PTPRN2: variants seen among roughly 807,000 people sequenced by gnomAD.
PTPRN2 encodes the protein receptor-type tyrosine-protein phosphatase N2.
A neutral mutation model predicts 118.8 loss-of-function variants in PTPRN2; 74 were observed. That is an observed-to-expected ratio of 0.62 (90% CI 0.52 to 0.76). The LOEUF (loss-of-function observed/expected upper bound fraction) is 0.76. Among genes scored for constraint, PTPRN2 ranks in the 30% least tolerant of loss-of-function variants. The probability of loss-of-function intolerance (pLI) is 0.00; values close to 1 mark genes in which losing one functional copy is unlikely to be tolerated. For synonymous variants in PTPRN2, 641 were observed against 608.0 expected (o/e 1.05, Z -0.80); for missense variants, 1,481 against 1,394.4 (o/e 1.06, Z -0.99).
At chr7:158,299,892 C>T (rs1243173991) in intron 3 of PTPRN2, among the ~76,000 whole-genome samples, 2 of 152,104 alleles carry the variant, frequency 1.3e-5, no homozygotes, top group African/African-American at 4.8e-5. Context: ...GGGAGGAGAA[C>T]GTCCCTGAAA....
At chr7:158,052,763 G>T (rs1454381708) in intron 11 of PTPRN2, among the ~76,000 whole-genome samples, 1 of 152,146 alleles carries the variant, frequency 6.6e-6, no homozygotes, top group South Asian at 2.1e-4. Flanking sequence ...CCACTGCTTT[G>T]CCTCGAGGGG....
At chr7:157,918,945 C>T (rs1344112477) in intron 11 of PTPRN2, among the ~76,000 whole-genome samples, 1 of 152,200 alleles carries the variant, frequency 6.6e-6, no homozygotes, top group African/African-American at 2.4e-5. Context: ...CAACAGCCAC[C>T]TGAGGTGCGG....
rs1040485691 is a variant in PTPRN2 at position 158,521,540 on chromosome 7, G to A, written c.113-31755C>T. 2.4e-4 allele frequency among the ~76,000 whole-genome samples: 36 copies of A among 151,358 alleles called. 6 individuals carry two copies. The highest frequency in any genetic ancestry group is 1.1e-3 in the Admixed American group (16 of 15,180). On this transcript the variant is annotated intron_variant, in intron 1 of 22. Coordinates refer to ENST00000389418, the MANE Select transcript of PTPRN2 (RefSeq NM_002847.5). ...GGGTGCTGGCTCAGGAGGAAGGTCCGCATCGGAATGGTGGACTGTCCAGGT... is the reference window on the plus strand; with the variant it reads ...GGGTGCTGGCTCAGGAGGAAGGTCCACATCGGAATGGTGGACTGTCCAGGT...
At chr7:158,085,860 G>A (rs1229590750) in intron 10 of PTPRN2, among the ~76,000 whole-genome samples, 1 of 112,326 alleles carries the variant, frequency 8.9e-6, no homozygotes, top group Non-Finnish European at 1.8e-5. Context: ...CCACACCCAC[G>A]ACGCCCATCC....
chr7:158,300,949 C>A (rs1236140267), intron 3 of PTPRN2, among the ~76,000 whole-genome samples: 1 of 152,166 alleles, frequency 6.6e-6, no homozygotes, highest in Non-Finnish European at 1.5e-5. Flanking sequence ...TGAGCTGTGA[C>A]AGATGAACTA....
At chr7:157,555,875 T>C (rs1427885777) in intron 21 of PTPRN2, among the ~76,000 whole-genome samples, 1 of 152,190 alleles carries the variant, frequency 6.6e-6, no homozygotes, top group Admixed American at 6.5e-5. Context: ...AGGAACGAAG[T>C]GGAACAGTTC....
intron 3 of PTPRN2, among the ~76,000 whole-genome samples, chr7:158,215,751 C>T (rs1827908287): frequency 6.6e-6 from 1 of 152,074 alleles, no homozygotes; most frequent in Admixed American, 6.6e-5. Flanking sequence ...ACCCAGAATC[C>T]CACAAGTCTA....
At chr7:158,084,404 G>A (rs766495724) in intron 10 of PTPRN2, among the ~76,000 whole-genome samples, 5 of 152,276 alleles carry the variant, frequency 3.3e-5, no homozygotes, top group Non-Finnish European at 4.4e-5. Flanking sequence ...TCTAACCAGG[G>A]AGCCTTGGTT....
At chr7:158,518,800 C>T (rs964528378) in intron 1 of PTPRN2, among the ~76,000 whole-genome samples, 6 of 152,088 alleles carry the variant, frequency 3.9e-5, no homozygotes, top group African/African-American at 1.2e-4. Context: ...GCCTGGGCAA[C>T]ATGGCGAAAC....
At chr7:158,424,511 GA>G (rs1331163463) in intron 2 of PTPRN2, among the ~76,000 whole-genome samples, 2 of 152,186 alleles carry the variant, frequency 1.3e-5, no homozygotes, top group Non-Finnish European at 2.9e-5. Context: ...TGACTCTCCC[GA>G]TTCCTCTATT....
chr7:157,766,118 A>G (rs1353566979), intron 12 of PTPRN2, among the ~76,000 whole-genome samples: 2 of 145,266 alleles, frequency 1.4e-5, no homozygotes, highest in Admixed American at 6.9e-5. Flanking sequence ...TCATCCATCC[A>G]TCATCCATCT....
At chr7:158,051,349 C>G (rs78733852) in intron 11 of PTPRN2, among the ~76,000 whole-genome samples, 1 of 152,326 alleles carries the variant, frequency 6.6e-6, no homozygotes, top group African/African-American at 2.4e-5. Flanking sequence ...CATTAAAGGA[C>G]AGGAAGCACA....
At chr7:157,910,705 C>CGTGT (rs34091528) in intron 11 of PTPRN2, among the ~76,000 whole-genome samples, 2,240 of 151,258 alleles carry the variant, frequency 0.015, 43 homozygotes, top group African/African-American at 0.039. Flanking sequence ...CGGCAGGGCA[C>CGTGT]GTGTGTGTGT....
intron 11 of PTPRN2, among the ~76,000 whole-genome samples, chr7:158,067,887 A>G (rs912136978): frequency 1.4e-4 from 22 of 152,136 alleles, no homozygotes; most frequent in Non-Finnish European, 5.9e-5. Context: ...TGGGCAGCAC[A>G]CCAGGGCAGG....
rs774294207 is a variant in PTPRN2, at chr7:157,656,509, G to A, written c.2044C>T (p.Pro682Ser). Reference sequence around the variant, plus strand: ...ATGCGTGACGTGTGCGGGCCCTCAGGTCGGTCTGGTGGCCGCGTGGCCATA... The same window carrying A: ...ATGCGTGACGTGTGCGGGCCCTCAGATCGGTCTGGTGGCCGCGTGGCCATA... ...QRMATRPPDR[P>S]EGPHTSRISS... Residue 682 changes from proline to serine, a missense_variant, in exon 14 of 23, where the codon CCT becomes TCT. Transcript: ENST00000389418. The A allele has an allele frequency of 7.7e-6, 12 of 1,552,038 alleles. No individual in the cohort carries two copies. In the South Asian group the frequency reaches 1.4e-4, roughly 18 times the overall value.
chr7:157,587,796 T>C lies in PTPRN2; in HGVS notation c.2496+7442A>G, dbSNP rs1800760888. On this transcript the variant is annotated intron_variant, in intron 17 of 22. Transcript: ENST00000389418. The surrounding 1 kb of genome is among the most constrained non-coding windows in gnomAD (Gnocchi z 5.3). ...GAGGCAAGGCTGAACTTTGGAGTTG[T>C]CCTCTTGGCTGAGCCTCCCATACAG... 6.6e-6 allele frequency among the ~76,000 whole-genome samples: 1 copy of C among 152,332 alleles called. No individual in the cohort carries two copies. The highest frequency in any genetic ancestry group is 2.1e-4 in the South Asian group (1 of 4,828).
At chr7:158,220,471 T>G (rs1828276160) in intron 3 of PTPRN2, among the ~76,000 whole-genome samples, 1 of 152,092 alleles carries the variant, frequency 6.6e-6, no homozygotes, top group African/African-American at 2.4e-5. Context: ...CAGTAAAGTT[T>G]CAGGAAAAAA....
At chr7:157,638,466 A>AG (rs1411768295) in intron 14 of PTPRN2, among the ~76,000 whole-genome samples, 2 of 152,258 alleles carry the variant, frequency 1.3e-5, no homozygotes, top group African/African-American at 2.4e-5. Context: ...GAGAACATTC[A>AG]GGCTTCCATA....
At chr7:158,553,810 C>T (rs187763462) in intron 1 of PTPRN2, among the ~76,000 whole-genome samples, 1 of 151,376 alleles carries the variant, frequency 6.6e-6, no homozygotes, top group Non-Finnish European at 1.5e-5. Context: ...GATCCCAGCT[C>T]CTAACACATT....
Sources: allele counts gnomAD v4.1 joint callset (sites outside exome capture counted in the v4.1 genomes callset), GRCh38; gene constraint gnomAD v4.1.1; non-coding constraint Gnocchi (gnomAD v3.1); transcripts MANE v1.5; gene names NCBI Gene and HGNC (gene_info 2026-07-23, HGNC 2026-07-21).